UNC13B: variants seen among roughly 807,000 people sequenced by gnomAD.
The protein encoded by UNC13B is protein unc-13 homolog B.
In UNC13B, 144 loss-of-function variants were observed where a neutral mutation model predicts 211.0. The observed-to-expected ratio is 0.68, with a 90% CI of 0.60 to 0.78. The LOEUF (loss-of-function observed/expected upper bound fraction) is 0.78. Among genes scored for constraint, UNC13B ranks in the 30% least tolerant of loss-of-function variants. The pLI is 0.00. For missense variants in UNC13B, 1,777 were observed against 2,002.0 expected, an observed-to-expected ratio of 0.89 and a Z score of 2.14; for synonymous variants, 709 against 725.8, an observed-to-expected ratio of 0.98 and a Z score of 0.37.
intron 3 of UNC13B, among the ~76,000 whole-genome samples, chr9:35,231,758 A>G (rs1825215824): frequency 6.6e-6 from 1 of 152,082 alleles, no homozygotes; most frequent in Non-Finnish European, 1.5e-5. Flanking sequence ...ATATTAGTAG[A>G]ATTTCTCGTG....
At chr9:35,234,574 GC>G (rs1162512604) in intron 3 of UNC13B, among the ~76,000 whole-genome samples, 3 of 152,140 alleles carry the variant, frequency 2.0e-5, no homozygotes, top group East Asian at 3.9e-4. Context: ...TAACTTAGTG[GC>G]TAGGCTTATT....
intron 22 of UNC13B, chr9:35,385,398 C>T: frequency 1.0e-6 from 1 of 962,256 alleles, no homozygotes; most frequent in Non-Finnish European, 1.2e-6. Context: ...TAAGAATCTT[C>T]ATCCAAGAAA....
intron 11 of UNC13B, among the ~76,000 whole-genome samples, chr9:35,340,991 G>A (rs1430364238): frequency 6.6e-6 from 1 of 152,162 alleles, no homozygotes; most frequent in Non-Finnish European, 1.5e-5. Flanking sequence ...TAGAATTGTT[G>A]AATTATTAGG....
chr9:35,389,817 C>G (rs534763607), intron 24 of UNC13B, 29 bp from the exon 25 acceptor site: 5 of 1,611,078 alleles, frequency 3.1e-6, no homozygotes, highest in African/African-American at 1.3e-5. Flanking sequence ...CTCTTTCTCC[C>G]TCTCTCTCAC....
chr9:35,367,510 C>T (rs1428966866), intron 12 of UNC13B, among the ~76,000 whole-genome samples: 4 of 152,046 alleles, frequency 2.6e-5, no homozygotes, highest in Non-Finnish European at 5.9e-5. Context: ...TGTTACAATC[C>T]ACTTACACTC....
intron 6 of UNC13B, among the ~76,000 whole-genome samples, chr9:35,244,975 ACC>A (rs1826004340): frequency 3.3e-5 from 5 of 152,242 alleles, no homozygotes; most frequent in African/African-American, 1.2e-4. Context: ...TCATGTCCAC[ACC>A]AACATCCTAA....
At chr9:35,356,182 G>C (rs1471523247) in intron 11 of UNC13B, among the ~76,000 whole-genome samples, 1 of 152,188 alleles carries the variant, frequency 6.6e-6, no homozygotes, top group African/African-American at 2.4e-5. Context: ...AGCAGGACAA[G>C]CACACAGGCC....
intron 11 of UNC13B, chr9:35,352,434 A>G (rs1832774133): frequency 3.2e-6 from 4 of 1,232,006 alleles, no homozygotes; most frequent in East Asian, 3.2e-5. Context: ...GCCACCAGAG[A>G]AGAACCAAGC....
intron 11 of UNC13B, among the ~76,000 whole-genome samples, chr9:35,337,146 T>TTATGTACA (rs1831710219): frequency 6.6e-6 from 1 of 152,036 alleles, no homozygotes; most frequent in Non-Finnish European, 1.5e-5. Flanking sequence ...TGACAAAAAC[T>TTATGTACA]TATGTACATC....
chr9:35,227,096 T>G (rs1453497671), intron 1 of UNC13B, among the ~76,000 whole-genome samples: 1 of 152,200 alleles, frequency 6.6e-6, no homozygotes, highest in African/African-American at 2.4e-5. Context: ...GGATTTGAAC[T>G]GAAATGGGAC....
Position 35,404,277 on chromosome 9 carries a change from T to A in UNC13B, c.*244T>A. On this transcript the variant is annotated 3_prime_UTR_variant, in exon 40 of 40. Coordinates refer to ENST00000635942, the MANE Select transcript of UNC13B (RefSeq NM_001371189.2). Reference sequence around the variant, plus strand: ...GTGGGGTTACCACATGGAGAGATTTTCCATTAAGAGAGAAGGACAAACATT... The same window carrying A: ...GTGGGGTTACCACATGGAGAGATTTACCATTAAGAGAGAAGGACAAACATT... The A allele has an allele frequency of 1.8e-6, 1 of 553,704 alleles. No individual in the cohort carries two copies. The allele number at this position is 553,704 out of a possible 1,614,324, so 34.3% of individuals were successfully genotyped here.
intron 1 of UNC13B, among the ~76,000 whole-genome samples, chr9:35,221,327 C>T (rs770750775): frequency 6.6e-6 from 1 of 152,178 alleles, no homozygotes; most frequent in Non-Finnish European, 1.5e-5. Context: ...TCCTTGGCCT[C>T]TCATAGTGCT....
At chr9:35,351,737 C>G in intron 11 of UNC13B, 1 of 1,232,292 alleles carries the variant, frequency 8.1e-7, no homozygotes. Context: ...AGATGGGGAC[C>G]TGGCCCAGCT....
chr9:35,271,909 TA>T (rs1827903909), intron 7 of UNC13B, among the ~76,000 whole-genome samples: 1 of 152,240 alleles, frequency 6.6e-6, no homozygotes, highest in Non-Finnish European at 1.5e-5. Context: ...ACAACCTTTC[TA>T]ACTCAGTGAT....
At chr9:35,258,491 A>G (rs2131624135) in intron 6 of UNC13B, among the ~76,000 whole-genome samples, 1 of 152,254 alleles carries the variant, frequency 6.6e-6, no homozygotes, top group African/African-American at 2.4e-5. Flanking sequence ...AACTCTTATA[A>G]ATACCAGATA....
chr9:35,384,203 C>G lies in UNC13B; in HGVS notation c.10807-43C>G, dbSNP rs760398658. 3.5e-5 allele frequency: 56 copies of G among 1,612,698 alleles called. 1 individual carries two copies. The South Asian group carries it at 5.7e-4, about 16-fold the overall frequency. On this transcript the variant is annotated intron_variant, in intron 21 of 39. Coordinates refer to ENST00000635942, the MANE Select transcript of UNC13B (RefSeq NM_001371189.2). ...TGTTATAGTTTAGGGGACTCAGACA[C>G]AGGTTCTCTTTTTCTTCCCCTTTAT...
chr9:35,267,457 A>G (rs1827639127), intron 7 of UNC13B, among the ~76,000 whole-genome samples: 1 of 152,124 alleles, frequency 6.6e-6, no homozygotes, highest in South Asian at 2.1e-4. Flanking sequence ...AAAAATTATT[A>G]TGCTTTAAGT....
chr9:35,335,713 G>A (rs755653398), intron 11 of UNC13B, among the ~76,000 whole-genome samples: 37 of 114,564 alleles, frequency 3.2e-4, no homozygotes, highest in Admixed American at 8.8e-4. Context: ...TTTTTTTAAA[G>A]GGGTCTTGGT....
intron 7 of UNC13B, among the ~76,000 whole-genome samples, chr9:35,259,800 G>GC (rs957579355): frequency 2.7e-5 from 4 of 146,422 alleles, no homozygotes; most frequent in Non-Finnish European, 6.0e-5. Flanking sequence ...GGGATGCGGG[G>GC]GGGGGGGATT....
Sources: allele counts gnomAD v4.1 joint callset (sites outside exome capture counted in the v4.1 genomes callset), GRCh38; gene constraint gnomAD v4.1.1; transcripts MANE v1.5; gene names NCBI Gene and HGNC (gene_info 2026-07-23, HGNC 2026-07-21).